PLS3: variants seen among roughly 807,000 people sequenced by gnomAD.
The protein encoded by PLS3 is plastin-3.
Under a neutral mutation model 46.5 loss-of-function variants are expected in PLS3, and 11 were observed. That is an observed-to-expected ratio of 0.24 (90% CI 0.15 to 0.39). The LOEUF is 0.39. Ranked by LOEUF, PLS3 falls within the 10% of genes least tolerant of loss-of-function variation. The pLI is 1.00. For missense variants in PLS3, 308 were observed against 461.8 expected (o/e 0.67, Z 3.05); for synonymous variants, 167 against 162.2 (o/e 1.03, Z -0.22).
chrX:115,593,910 A>C (rs991934848), intron 1 of PLS3, among the ~76,000 whole-genome samples: 1 of 110,893 alleles, frequency 9.0e-6, no homozygotes, highest in Non-Finnish European at 1.9e-5. Flanking sequence ...ACTTTTTAAA[A>C]ATGGGTTTTG....
intron 1 of PLS3, among the ~76,000 whole-genome samples, chrX:115,592,034 G>A (rs1039512258): frequency 1.9e-4 from 21 of 112,082 alleles, no homozygotes; most frequent in African/African-American, 6.8e-4. Context: ...GGTTAGTGAC[G>A]AGGACAGGAG....
At chrX:115,585,970 C>T (rs782308077) in intron 1 of PLS3, among the ~76,000 whole-genome samples, 5 of 110,042 alleles carry the variant, frequency 4.5e-5, no homozygotes, top group Non-Finnish European at 7.6e-5. Context: ...AATTCTTAAC[C>T]GCTTATCAGA....
At chrX:115,575,500 G>A (rs1217276613) in intron 1 of PLS3, among the ~76,000 whole-genome samples, 1 of 111,931 alleles carries the variant, frequency 8.9e-6, no homozygotes, top group Non-Finnish European at 1.9e-5. Flanking sequence ...CTGGAGTGCA[G>A]TGGCACCATC....
chrX:115,639,105 G>GCTA (rs2074869005), intron 8 of PLS3, among the ~76,000 whole-genome samples: 1 of 111,969 alleles, frequency 8.9e-6, no homozygotes, highest in African/African-American at 3.2e-5. Context: ...CACCTGTAAA[G>GCTA]CCCTTTTCAG....
chrX:115,640,945 C>G lies in PLS3; in HGVS notation c.987+442C>G, dbSNP rs146779246. Reference sequence around the variant, plus strand: ...TTTACAAACTCCCAATCTATGAAATCTAATTTAGGGAATTACTCTCAGAGA... The same window carrying G: ...TTTACAAACTCCCAATCTATGAAATGTAATTTAGGGAATTACTCTCAGAGA... On this transcript the variant is annotated intron_variant, in intron 9 of 15. Coordinates refer to ENST00000355899, the MANE Select transcript of PLS3 (RefSeq NM_005032.7). Among the ~76,000 whole-genome samples, 315 of 111,397 alleles carry G rather than the reference C, an allele frequency of 2.8e-3. 4 individuals are homozygous for G. The highest frequency in any genetic ancestry group is 0.023 in the Admixed American group (243 of 10,372).
intron 2 of PLS3, among the ~76,000 whole-genome samples, chrX:115,620,727 T>C (rs1211019873): frequency 5.3e-5 from 5 of 94,466 alleles, no homozygotes; most frequent in African/African-American, 2.0e-4. Flanking sequence ...TTTTTTTTTT[T>C]TTTGAGATGG....
In PLS3 at chrX:115,635,023, A is replaced by T; in HGVS notation, c.725A>T (p.Asp242Val). The T allele has an allele frequency of 8.3e-7, 1 of 1,208,370 alleles. No homozygotes were observed. Among genetic ancestry groups the T allele is most frequent in the African/African-American group, 1.7e-5 (1 of 57,726 alleles). The change falls in exon 7 of 16, where the codon GAC becomes GTC. Residue 242 changes from aspartate (D) to valine (V), a missense_variant. Around this residue, in one of 2 missense-constraint regions of PLS3, gnomAD observed 271 missense variants for 435.7 expected, o/e 0.62. Coordinates refer to ENST00000355899, the MANE Select transcript of PLS3 (RefSeq NM_005032.7). ...ATCATTAAGATCGGTTTGTTCGCTG[A>T]CATTGAATTAAGCAGGAATGAAGGT... ...WQIIKIGLFA[D>V]IELSRNEALA...
At chrX:115,587,246 T>G (rs782474772) in intron 1 of PLS3, among the ~76,000 whole-genome samples, 32 of 112,342 alleles carry the variant, frequency 2.8e-4, no homozygotes, top group Admixed American at 8.5e-4. Context: ...CATTTACAAA[T>G]GTACTTGATG....
At chrX:115,619,922 G>A (rs1162956037) in intron 2 of PLS3, among the ~76,000 whole-genome samples, 1 of 112,356 alleles carries the variant, frequency 8.9e-6, no homozygotes, top group Non-Finnish European at 1.9e-5. Flanking sequence ...GATTTAAAAT[G>A]TAGTAATCAA....
intron 15 of PLS3, among the ~76,000 whole-genome samples, chrX:115,648,789 T>C (rs1010184588): frequency 1.8e-5 from 2 of 112,291 alleles, no homozygotes; most frequent in Non-Finnish European, 3.8e-5. Flanking sequence ...AAATCTCTTT[T>C]TCTAGAAACT....
intron 2 of PLS3, among the ~76,000 whole-genome samples, chrX:115,613,794 G>A (rs782279390): frequency 9.1e-6 from 1 of 109,508 alleles, no homozygotes; most frequent in African/African-American, 3.4e-5. Context: ...CATGGTACCT[G>A]GCCAGCCAGG....
chrX:115,634,776 G>C, intron 6 of PLS3, 105 bp from the exon 7 acceptor site: 12 of 711,189 alleles, frequency 1.7e-5, no homozygotes, highest in South Asian at 3.0e-5. Flanking sequence ...AATTAATACA[G>C]GGTATTAATT....
At chrX:115,577,809 C>G (rs1479816723) in intron 1 of PLS3, among the ~76,000 whole-genome samples, 3 of 111,323 alleles carry the variant, frequency 2.7e-5, no homozygotes, top group East Asian at 5.6e-4. Flanking sequence ...TGGATTTTAT[C>G]ATTCTCAGAG....
intron 5 of PLS3, 131 bp downstream of exon 5, chrX:115,630,098 C>A: frequency 2.1e-6 from 1 of 476,082 alleles, no homozygotes; most frequent in South Asian, 4.8e-5. Context: ...CAGGTTCTGC[C>A]TTTTTCATTT....
intron 2 of PLS3, chrX:115,614,298 G>T (rs2074576667): frequency 2.7e-6 from 2 of 750,842 alleles, no homozygotes; most frequent in African/African-American, 2.3e-5. Flanking sequence ...AACGAGAGTT[G>T]CAGCAGGGGA....
chrX:115,575,592 C>G (rs1055895539), intron 1 of PLS3, among the ~76,000 whole-genome samples: 1 of 111,260 alleles, frequency 9.0e-6, no homozygotes, highest in Non-Finnish European at 1.9e-5. Flanking sequence ...TACAGGCGCC[C>G]GCCACCACAC....
chrX:115,602,157 G>C (rs1230169474), intron 1 of PLS3, among the ~76,000 whole-genome samples: 1 of 111,702 alleles, frequency 9.0e-6, no homozygotes, highest in African/African-American at 3.3e-5. Flanking sequence ...ATATATGACT[G>C]TGATGGCATG....
chrX:115,587,734 C>CA (rs60273885), intron 1 of PLS3, among the ~76,000 whole-genome samples: 4,327 of 42,211 alleles, frequency 0.1, 155 homozygotes, highest in African/African-American at 0.19. Context: ...GACTCCGTCT[C>CA]AAAAAAAAAA....
At chrX:115,618,434 AAGTT>A (rs1401169295) in intron 2 of PLS3, among the ~76,000 whole-genome samples, 2 of 109,839 alleles carry the variant, frequency 1.8e-5, no homozygotes, top group African/African-American at 6.6e-5. Flanking sequence ...AAGAAACAAA[AAGTT>A]AGCTGGGCAT....
Sources: gnomAD v4.1 joint callset for allele counts (sites outside exome capture counted in the v4.1 genomes callset) on GRCh38, gnomAD v4.1.1 for gene constraint, gnomAD v4.1.1 regional missense constraint, MANE v1.5 for transcripts, NCBI Gene and HGNC (gene_info 2026-07-23, HGNC 2026-07-21) for gene names.